CEP112: variants seen among roughly 807,000 people sequenced by gnomAD.
CEP112 encodes the protein centrosomal protein of 112 kDa.
CEP112 carries 127 observed loss-of-function variants against 153.0 expected under a neutral mutation model. The observed-to-expected ratio is 0.83, with a 90% confidence interval of 0.72 to 0.96. CEP112 has a LOEUF of 0.96. CEP112 is among the 40% of genes least tolerant of loss of function. CEP112 has a pLI of 0.00. For synonymous variants in CEP112, 358 were observed against 374.4 expected, an observed-to-expected ratio of 0.96 and a Z score of 0.51; for missense variants, 1,089 against 1,101.2, an observed-to-expected ratio of 0.99 and a Z score of 0.16.
chr17:65,902,125 G>A (rs768676888), intron 20 of CEP112, 27 bp downstream of exon 20: 22 of 1,563,676 alleles, frequency 1.4e-5, no homozygotes, highest in South Asian at 5.7e-5. Context: ...ACAGATACCC[G>A]TTTTATCAAA....
At chr17:66,005,669 A>G (rs781775460) in intron 17 of CEP112, 21 bp downstream of exon 17, 2 of 1,600,832 alleles carry the variant, frequency 1.2e-6, no homozygotes. Flanking sequence ...TTTAAATCAA[A>G]TGCATTACAA....
At chr17:65,880,783 T>G (rs1489092306) in intron 20 of CEP112, among the ~76,000 whole-genome samples, 1 of 152,196 alleles carries the variant, frequency 6.6e-6, no homozygotes, top group Non-Finnish European at 1.5e-5. Flanking sequence ...TCAACATCAG[T>G]TAAACGTCTG....
intron 21 of CEP112, among the ~76,000 whole-genome samples, chr17:65,827,905 A>G (rs2056906338): frequency 1.3e-5 from 2 of 152,172 alleles, no homozygotes; most frequent in African/African-American, 2.4e-5. Flanking sequence ...TTCTTGATGA[A>G]GCCAGCTTTG....
At chr17:66,114,690 C>T (rs183718945) in intron 6 of CEP112, among the ~76,000 whole-genome samples, 6 of 152,020 alleles carry the variant, frequency 3.9e-5, no homozygotes, top group African/African-American at 1.2e-4. Context: ...CAAAAGGACT[C>T]TCATGCAGAA....
chr17:65,963,467 A>G (rs2062289037), intron 17 of CEP112, among the ~76,000 whole-genome samples: 2 of 152,296 alleles, frequency 1.3e-5, no homozygotes, highest in South Asian at 4.1e-4. Flanking sequence ...TTCAATAAGA[A>G]CGTACATATC....
intron 4 of CEP112, among the ~76,000 whole-genome samples, chr17:66,167,540 G>C (rs2072029675): frequency 6.6e-6 from 1 of 152,144 alleles, no homozygotes; most frequent in Non-Finnish European, 1.5e-5. Flanking sequence ...AGTGGAATGT[G>C]AACAAAGGCA....
chr17:65,917,465 A>AT (rs35912947), intron 19 of CEP112, among the ~76,000 whole-genome samples: 27,855 of 152,064 alleles, frequency 0.18, 2,748 homozygotes, highest in Admixed American at 0.28. Flanking sequence ...CATTTACCAC[A>AT]TTACCTCAAT....
At chr17:65,757,179 G>T (rs1451368470) in intron 21 of CEP112, among the ~76,000 whole-genome samples, 3 of 152,130 alleles carry the variant, frequency 2.0e-5, no homozygotes, top group Non-Finnish European at 4.4e-5. Flanking sequence ...AGCTTCCAGA[G>T]CTGTGAGAGA....
chr17:66,165,850 G>T (rs773885059), intron 4 of CEP112, among the ~76,000 whole-genome samples: 3 of 152,152 alleles, frequency 2.0e-5, no homozygotes, highest in Non-Finnish European at 4.4e-5. Context: ...ATATCATAAA[G>T]AGGATCATTA....
chr17:65,820,199 A>T (rs1224010030), intron 21 of CEP112, among the ~76,000 whole-genome samples: 1 of 152,044 alleles, frequency 6.6e-6, no homozygotes, highest in Admixed American at 6.6e-5. Flanking sequence ...CTAAGCTCAT[A>T]GCTTCCTCGT....
At chr17:65,724,872 C>T (rs917695530) in intron 23 of CEP112, among the ~76,000 whole-genome samples, 18 of 152,182 alleles carry the variant, frequency 1.2e-4, no homozygotes, top group African/African-American at 3.4e-4. Context: ...TTCCACTGCA[C>T]AGCCCCTCCT....
chr17:66,026,921 T>C (rs886827352), intron 16 of CEP112, among the ~76,000 whole-genome samples: 2 of 152,220 alleles, frequency 1.3e-5, no homozygotes, highest in African/African-American at 4.8e-5. Context: ...GTGAAATCCA[T>C]GGATATGAAA....
chr17:66,094,644 C>T (rs1264213488), intron 8 of CEP112, among the ~76,000 whole-genome samples: 2 of 151,888 alleles, frequency 1.3e-5, no homozygotes, highest in African/African-American at 4.8e-5. Flanking sequence ...AAAAAATAGA[C>T]AAATGAGATT....
intron 26 of CEP112, chr17:65,636,617 G>GTTT (rs113104335): frequency 0.037 from 5,359 of 145,006 alleles, 260 homozygotes; most frequent in African/African-American, 0.11. Context: ...TTTTTCTTTT[G>GTTT]TTTTTTTTTT....
At chr17:66,032,201 C>G (rs926559436) in intron 12 of CEP112, among the ~76,000 whole-genome samples, 1 of 151,606 alleles carries the variant, frequency 6.6e-6, no homozygotes, top group Non-Finnish European at 1.5e-5. Context: ...GGGTTTCACC[C>G]TGTTGGCCAG....
At chr17:65,724,258 C>T (rs568028825) in intron 23 of CEP112, among the ~76,000 whole-genome samples, 53 of 152,258 alleles carry the variant, frequency 3.5e-4, no homozygotes, top group Non-Finnish European at 7.5e-4. Context: ...AGGACAGCAT[C>T]ACATTAATTT....
intron 23 of CEP112, among the ~76,000 whole-genome samples, chr17:65,742,433 T>C (rs1247785408): frequency 2.6e-5 from 4 of 152,162 alleles, no homozygotes; most frequent in South Asian, 2.1e-4. Flanking sequence ...TGTAGACACA[T>C]ACAATAATAT....
intron 21 of CEP112, among the ~76,000 whole-genome samples, chr17:65,841,557 G>C (rs983829135): frequency 2.0e-5 from 3 of 151,906 alleles, no homozygotes; most frequent in South Asian, 2.1e-4. Context: ...ACAGTTAAAC[G>C]TAAGGAAGAA....
intron 4 of CEP112, among the ~76,000 whole-genome samples, 195 bp downstream of exon 4, chr17:66,174,849 C>CA (rs2072402983): frequency 6.6e-6 from 1 of 151,918 alleles, no homozygotes; most frequent in Admixed American, 6.6e-5. Context: ...GACCACTTGT[C>CA]AAGCAATCAA....
Sources: allele counts gnomAD v4.1 joint callset (sites outside exome capture counted in the v4.1 genomes callset), GRCh38; gene constraint gnomAD v4.1.1; transcripts MANE v1.5; gene names NCBI Gene and HGNC (gene_info 2026-07-23, HGNC 2026-07-21).